ATG2B: variants seen among roughly 807,000 people sequenced by gnomAD.
ATG2B encodes autophagy related 2B.
A neutral mutation model predicts 241.3 loss-of-function variants in ATG2B; 121 were observed. The ratio of observed to expected loss-of-function variants is 0.50; its 90% confidence interval spans 0.43 to 0.58. The LOEUF is 0.58. Among genes scored for constraint, ATG2B ranks in the 20% least tolerant of loss-of-function variants. ATG2B has a pLI of 0.00. For missense variants in ATG2B, 2,306 were observed against 2,491.6 expected, an observed-to-expected ratio of 0.93 and a Z score of 1.59; for synonymous variants, 858 against 876.6, an observed-to-expected ratio of 0.98 and a Z score of 0.37.
intron 2 of ATG2B, among the ~76,000 whole-genome samples, chr14:96,345,848 C>G (rs972431177): frequency 5.9e-5 from 9 of 152,116 alleles, no homozygotes; most frequent in Non-Finnish European, 1.0e-4. Flanking sequence ...AGTAAATAAA[C>G]AAATAAGCAT....
At chr14:96,286,610 T>C (rs903687957) in intron 41 of ATG2B, among the ~76,000 whole-genome samples, 13 of 152,182 alleles carry the variant, frequency 8.5e-5, no homozygotes, top group Admixed American at 2.6e-4. Context: ...AGCTTTCTTT[T>C]TCATTTATTC....
intron 14 of ATG2B, 112 bp from the exon 15 acceptor site, chr14:96,326,034 G>A: frequency 9.7e-7 from 1 of 1,030,532 alleles, no homozygotes. Flanking sequence ...TTGGTATAAT[G>A]CATTAAAAGT....
At chr14:96,286,024 A>C (rs749924566) in intron 41 of ATG2B, 39 bp from the exon 42 acceptor site, 1 of 1,540,054 alleles carries the variant, frequency 6.5e-7, no homozygotes, top group Non-Finnish European at 8.9e-7. Context: ...GAGGGCAGTG[A>C]ACAAACTCTG....
intron 34 of ATG2B, among the ~76,000 whole-genome samples, chr14:96,300,749 T>G (rs1358841498): frequency 1.3e-5 from 2 of 152,216 alleles, no homozygotes; most frequent in Admixed American, 6.5e-5. Flanking sequence ...CTTAAAGTAC[T>G]GATTGGCAAG....
intron 1 of ATG2B, among the ~76,000 whole-genome samples, chr14:96,347,633 A>G (rs1209347470): frequency 6.6e-6 from 1 of 152,240 alleles, no homozygotes; most frequent in East Asian, 1.9e-4. Flanking sequence ...ACAACTCTAC[A>G]GGAAAAAAAT....
intron 5 of ATG2B, among the ~76,000 whole-genome samples, chr14:96,342,124 A>C (rs1888052886): frequency 6.6e-6 from 1 of 152,200 alleles, no homozygotes; most frequent in African/African-American, 2.4e-5. Context: ...TTGTAGAATA[A>C]AATTTCATCA....
rs1887093348 is a variant in ATG2B, at chr14:96,309,557, A to G, written c.4199T>C (p.Val1400Ala). ...CATTTGTTGATCTGCTTCAGGAAGT[A>G]CTGGACCACGTGAGGATGATCGACC... ...SSGRSSSRGPVLPEADQQMLR... is the reference protein window; with the variant it reads ...SSGRSSSRGPALPEADQQMLR... Residue 1400 changes from valine (V) to alanine (A), a missense_variant, in exon 29 of 42, where the codon GTA becomes GCA. Physicochemically the swap from Val to Ala is moderately conservative, Grantham distance 64 (BLOSUM62 0). Around this residue, in one of 2 missense-constraint regions of ATG2B, gnomAD observed 1,927 missense variants for 2,011.2 expected, o/e 0.96. Coordinates refer to ENST00000359933, the MANE Select transcript of ATG2B (RefSeq NM_018036.7). 6.2e-7 allele frequency: 1 copy of G among 1,613,974 alleles called. No individual in the cohort carries two copies. The highest frequency in any genetic ancestry group is 1.7e-5 in the Admixed American group (1 of 59,998).
rs1224046437 is a variant in ATG2B at position 96,280,880 on chromosome 14, C to G, written c.*4875G>C. The G allele has an allele frequency of 6.6e-6, 1 of 152,072 alleles. No homozygotes were observed. The highest frequency in any genetic ancestry group is 1.5e-5 in the Non-Finnish European group (1 of 68,036). The allele number at this position is 152,072 out of a possible 1,614,324, so 9.4% of individuals were successfully genotyped here. A position where few individuals can be genotyped will look rare whatever the true frequency, so the allele number is the denominator to read the frequency against. On this transcript the variant is annotated 3_prime_UTR_variant, in exon 42 of 42. Coordinates refer to ENST00000359933, the MANE Select transcript of ATG2B (RefSeq NM_018036.7). ...CTGGGCAACAAGAGCAAAGCTCCGTCTGAAAAAATAAATAAATAAAATAAA... is the reference window on the plus strand; with the variant it reads ...CTGGGCAACAAGAGCAAAGCTCCGTGTGAAAAAATAAATAAATAAAATAAA...
At chr14:96,335,630 C>T (rs1595321340) in intron 6 of ATG2B, among the ~76,000 whole-genome samples, 1 of 152,066 alleles carries the variant, frequency 6.6e-6, no homozygotes, top group Non-Finnish European at 1.5e-5. Flanking sequence ...GAGGAAAAGC[C>T]CTCACTCCTT....
At position 96,284,765 on chromosome 14, in the gene ATG2B, CTTTA is replaced by C. The variant is rs1886291995; in HGVS notation, c.*986_*989del. The stretch of plus-strand genomic sequence containing the variant: ...ACAATATCACCTTTAAATAAAAATA[CTTTA>C]TTCATTCCTGATAGGTTATCAAAAT... On this transcript the variant is annotated 3_prime_UTR_variant, in exon 42 of 42. Transcript: ENST00000359933. 6.6e-6 allele frequency: 1 copy of C among 152,160 alleles called. No homozygotes were observed. Among genetic ancestry groups the C allele is most frequent in the Non-Finnish European group, 1.5e-5 (1 of 68,022 alleles). 9.4% of individuals were successfully genotyped at this position (152,160 alleles called of 1,614,324 possible). A position where few individuals can be genotyped will look rare whatever the true frequency, so the allele number is the denominator to read the frequency against.
chr14:96,325,940 A>G lies in ATG2B; in HGVS notation c.2164-18T>C. The G allele has an allele frequency of 6.2e-7, 1 of 1,604,836 alleles. No homozygotes were observed. The highest frequency in any genetic ancestry group is 8.5e-7 in the Non-Finnish European group (1 of 1,175,360). ...GCCTTGTGCTAAAACACAAAACATC[A>G]AAAATATGCCAAAATATTAAAGTAA... is the stretch of plus-strand genomic sequence containing the variant. On this transcript the variant is annotated intron_variant, in intron 14 of 41. Coordinates refer to ENST00000359933, the MANE Select transcript of ATG2B (RefSeq NM_018036.7).
At chr14:96,298,994 A>T (rs1407936985) in intron 34 of ATG2B, among the ~76,000 whole-genome samples, 2 of 152,124 alleles carry the variant, frequency 1.3e-5, no homozygotes, top group Non-Finnish European at 2.9e-5. Flanking sequence ...CCTATGATAA[A>T]GGATATTAAT....
In ATG2B at chr14:96,290,420, C is replaced by T; in HGVS notation, c.5856+16G>A. 6.2e-7 allele frequency: 1 copy of T among 1,613,242 alleles called. No individual in the cohort carries two copies. The highest frequency in any genetic ancestry group is 1.7e-5 in the Admixed American group (1 of 59,950). On this transcript the variant is annotated intron_variant, in intron 40 of 41. Transcript: ENST00000359933. The surrounding 1 kb of genome is among the most constrained non-coding windows in gnomAD (Gnocchi z 4.4). Reference sequence around the variant, plus strand: ...ATGGCTCTTTTTGGATAGACTAAGGCAGTCTAAAAAGATACCTGTATGGTT... The same window carrying T: ...ATGGCTCTTTTTGGATAGACTAAGGTAGTCTAAAAAGATACCTGTATGGTT...
intron 15 of ATG2B, among the ~76,000 whole-genome samples, chr14:96,324,657 T>G (rs1210587982): frequency 6.6e-6 from 1 of 152,164 alleles, no homozygotes; most frequent in Non-Finnish European, 1.5e-5. Context: ...AGCAAGACTC[T>G]GTCTGAAAAA....
Position 96,317,169 on chromosome 14 carries a change from T to G in ATG2B, c.3186A>C (p.Leu1062Phe), listed in dbSNP as rs776841010. The G allele has an allele frequency of 6.2e-7, 1 of 1,612,972 alleles. No homozygotes were observed. Among genetic ancestry groups the G allele is most frequent in the Non-Finnish European group, 8.5e-7 (1 of 1,179,560 alleles). Residue 1062 changes from leucine to phenylalanine, a missense_variant, in exon 20 of 42, where the codon TTA becomes TTC. By Grantham distance (22) the Leu-to-Phe change is conservative. Transcript: ENST00000359933. ...LSVLLNINHG[L>F]IAVFTDVKQD... ...CCTTCACATCTGTGAACACTGCTAT[T>G]AATCCATGATTAATATTCAGAAGAA...
chr14:96,353,543 T>C (rs901084819), intron 1 of ATG2B, among the ~76,000 whole-genome samples: 1 of 151,966 alleles, frequency 6.6e-6, no homozygotes, highest in Non-Finnish European at 1.5e-5. Flanking sequence ...CGAGAATCGC[T>C]GGAACCTGGG....
chr14:96,305,471 C>G (rs1886915439), intron 31 of ATG2B, 118 bp downstream of exon 31: 1 of 638,050 alleles, frequency 1.6e-6, no homozygotes. Flanking sequence ...ATTAATAATT[C>G]TTAAAATGAT....
At position 96,333,723 on chromosome 14, in the gene ATG2B, T is replaced by A; in HGVS notation, c.1172A>T (p.Tyr391Phe). 1 of 1,613,948 alleles carries A rather than the reference T, an allele frequency of 6.2e-7. No homozygotes were observed. The highest frequency in any genetic ancestry group is 8.5e-7 in the Non-Finnish European group (1 of 1,179,854). The part of the protein sequence containing the change: ...SVGVSSEQSF[Y>F]ETETARTPSS... ...AGGTGTACGAGCTGTTTCTGTCTCATAAAAGCTTTGCTCTGAAGATACACC... is the reference window on the plus strand; with the variant it reads ...AGGTGTACGAGCTGTTTCTGTCTCAAAAAAGCTTTGCTCTGAAGATACACC... The change falls in exon 8 of 42, where the codon TAT becomes TTT. Residue 391 changes from tyrosine to phenylalanine, a missense_variant. This residue lies in a region of ATG2B where 1,927 missense variants were observed against 2,011.2 expected (regional missense o/e 0.96). Transcript: ENST00000359933.
At chr14:96,310,967 C>T in intron 28 of ATG2B, 150 bp downstream of exon 28, 3 of 611,570 alleles carry the variant, frequency 4.9e-6, no homozygotes. Context: ...CCCATGAAAC[C>T]ACCGTTTCAG....
Sources: gnomAD v4.1 joint callset for allele counts (sites outside exome capture counted in the v4.1 genomes callset) on GRCh38, gnomAD v4.1.1 for gene constraint, gnomAD v4.1.1 regional missense constraint, Gnocchi (gnomAD v3.1) non-coding constraint, MANE v1.5 for transcripts, NCBI Gene and HGNC (gene_info 2026-07-23, HGNC 2026-07-21) for gene names.